LSM8: variants seen among roughly 807,000 people sequenced by gnomAD.
The protein encoded by LSM8 is LSM8 U6 small nuclear RNA associated.
LSM8 carries 14 observed loss-of-function variants against 15.0 expected under a neutral mutation model. That is an observed-to-expected ratio of 0.93 (90% CI 0.62 to 1.46). The LOEUF (loss-of-function observed/expected upper bound fraction) is 1.46. Ranked by LOEUF, LSM8 falls within the 40% of genes most tolerant of loss-of-function variation. The pLI, the probability that LSM8 is intolerant of heterozygous loss-of-function variation, is 0.00. For synonymous variants in LSM8, 50 were observed against 42.1 expected (o/e 1.19, Z -0.73); for missense variants, 90 against 115.4 (o/e 0.78, Z 1.01).
In LSM8 at chr7:118,192,594, A is replaced by G. The variant is rs1336557695; in HGVS notation, c.*592A>G. On this transcript the variant is annotated 3_prime_UTR_variant, in exon 4 of 4. Transcript: ENST00000249299. Reference sequence around the variant, plus strand: ...GGCCCAAAATTCTAACTTGAATATTAAGAATGACTAGGAATGGTAGAATTG... The same window carrying G: ...GGCCCAAAATTCTAACTTGAATATTGAGAATGACTAGGAATGGTAGAATTG... 6.6e-6 allele frequency: 1 copy of G among 152,196 alleles called. No homozygotes were observed. Among genetic ancestry groups the G allele is most frequent in the African/African-American group, 2.4e-5 (1 of 41,470 alleles). The allele number at this position is 152,196 out of a possible 1,614,324, so 9.4% of individuals were successfully genotyped here.
rs1809080353 is a variant in LSM8 at position 118,196,599 on chromosome 7, G to T, written c.*4597G>T. On this transcript the variant is annotated 3_prime_UTR_variant, in exon 4 of 4. Transcript: ENST00000249299. ...ACCTTTCCGACCTCTTCTTGGTTTT[G>T]GCATTAAGTTTTTTTTTAACTCAAT... Among the ~76,000 whole-genome samples the T allele has an allele frequency of 6.7e-6, 1 of 148,874 alleles. No homozygotes were observed. Among genetic ancestry groups the T allele is most frequent in the African/African-American group, 2.5e-5 (1 of 40,434 alleles).
rs1049882486 is a variant in LSM8, at chr7:118,203,287, G to T, written c.*11285G>T. ...GCACTCTGAATACTAATTTAAGAAA[G>T]AAATATAAACCCCTTTTAAAACTCA... is the stretch of plus-strand genomic sequence containing the variant. On this transcript the variant is annotated 3_prime_UTR_variant, in exon 4 of 4. Transcript: ENST00000249299. 2.0e-5 allele frequency among the ~76,000 whole-genome samples: 3 copies of T among 151,794 alleles called. No individual in the cohort carries two copies. Among genetic ancestry groups the T allele is most frequent in the Non-Finnish European group, 4.4e-5 (3 of 67,830 alleles).
At chr7:118,189,780 G>C (rs892228802) in intron 3 of LSM8, 2 of 151,710 alleles carry the variant, frequency 1.3e-5, no homozygotes, top group African/African-American at 4.8e-5. Context: ...AGAATTTCTT[G>C]AACCTGGTAG....
intron 2 of LSM8, 23 bp downstream of exon 2, chr7:118,185,717 C>A (rs1261969278): frequency 1.7e-5 from 27 of 1,597,332 alleles, no homozygotes; most frequent in East Asian, 2.2e-5. Context: ...AATTTTCATT[C>A]TCTGCTTTCC....
intron 2 of LSM8, among the ~76,000 whole-genome samples, chr7:118,187,198 CTTT>C (rs75239866): frequency 1.6e-4 from 25 of 152,042 alleles, no homozygotes; most frequent in Non-Finnish European, 2.8e-4. Context: ...ATTTCATTCT[CTTT>C]TTTATTTCAT....
intron 2 of LSM8, 68 bp from the exon 3 acceptor site, chr7:118,188,210 G>T: frequency 1.3e-6 from 2 of 1,547,504 alleles, no homozygotes; most frequent in South Asian, 2.2e-5. Context: ...AAATGACTGT[G>T]AGGTTAAATT....
chr7:118,193,794 G>C lies in LSM8; in HGVS notation c.*1792G>C, dbSNP rs938370091. On this transcript the variant is annotated 3_prime_UTR_variant, in exon 4 of 4. Transcript: ENST00000249299. ...ATTCTAACAGTACAAATGAAGTCCA[G>C]AGTCAGATCTTTTCTCAAAATACTT... Among the ~76,000 whole-genome samples the C allele has an allele frequency of 2.0e-5, 3 of 152,196 alleles. No homozygotes were observed. The highest frequency in any genetic ancestry group is 3.4e-3 in the Middle Eastern group (1 of 292).
chr7:118,185,009 T>C (rs1447428846), intron 1 of LSM8: 1 of 152,158 alleles, frequency 6.6e-6, no homozygotes, highest in African/African-American at 2.4e-5. Flanking sequence ...TGCTGGAAAA[T>C]CGTCCAACAT....
At position 118,193,087 on chromosome 7, in the gene LSM8, A is replaced by T. The variant is rs1450193708; in HGVS notation, c.*1085A>T. On this transcript the variant is annotated 3_prime_UTR_variant, in exon 4 of 4. Coordinates refer to ENST00000249299, the MANE Select transcript of LSM8 (RefSeq NM_016200.5). The stretch of plus-strand genomic sequence containing the variant: ...ATAGTTTATTTGTTTTGTTTTTATG[A>T]AAGTGCTTAAAAATAGTAGTTGGCA... 6.6e-6 allele frequency among the ~76,000 whole-genome samples: 1 copy of T among 152,160 alleles called. No individual in the cohort carries two copies. The highest frequency in any genetic ancestry group is 2.4e-5 in the African/African-American group (1 of 41,456).
At chr7:118,188,653 C>T in intron 3 of LSM8, 2 of 288,136 alleles carry the variant, frequency 6.9e-6, no homozygotes, top group Non-Finnish European at 1.3e-5. Context: ...CTGAGATTTG[C>T]CCATTTTTCT....
intron 3 of LSM8, 70 bp downstream of exon 3, chr7:118,188,475 A>G: frequency 1.4e-6 from 2 of 1,389,822 alleles, no homozygotes; most frequent in African/African-American, 2.9e-5. Context: ...GCTTTCCCCA[A>G]AATACCCTAC....
chr7:118,192,638 G>A lies in LSM8; in HGVS notation c.*636G>A, dbSNP rs552369008. ...AGAATTGACAGAGATGATTAGTAAA[G>A]TCTCTTGATGCCCAATTGGTTAGGT... On this transcript the variant is annotated 3_prime_UTR_variant, in exon 4 of 4. Coordinates refer to ENST00000249299, the MANE Select transcript of LSM8 (RefSeq NM_016200.5). 6.6e-6 allele frequency: 1 copy of A among 152,224 alleles called. No homozygotes were observed. The highest frequency in any genetic ancestry group is 2.4e-5 in the African/African-American group (1 of 41,548). The allele number at this position is 152,224 out of a possible 1,614,324, so 9.4% of individuals were successfully genotyped here. A position where few individuals can be genotyped will look rare whatever the true frequency, so the allele number is the denominator to read the frequency against.
chr7:118,185,372 G>A lies in LSM8; in HGVS notation c.32-282G>A, dbSNP rs531145431. 352 of 299,062 alleles carry A rather than the reference G, an allele frequency of 1.2e-3. 2 individuals carry two copies. The highest frequency in any genetic ancestry group is 9.2e-3 in the Middle Eastern group (10 of 1,088). The allele number at this position is 299,062 out of a possible 1,614,324, so 18.5% of individuals were successfully genotyped here. The stretch of plus-strand genomic sequence containing the variant: ...ACTCCTGAGCCCAAGCAATCCTCCT[G>A]CCTCTGCCTCTGCCTCCTGAGTAGC... On this transcript the variant is annotated intron_variant, in intron 1 of 3. Transcript: ENST00000249299.
chr7:118,185,688 G>T lies in LSM8; in HGVS notation c.66G>T (p.Met22Ile). 1 of 1,610,572 alleles carries T rather than the reference G, an allele frequency of 6.2e-7. No individual in the cohort carries two copies. Among genetic ancestry groups the T allele is most frequent in the Non-Finnish European group, 8.5e-7 (1 of 1,177,316 alleles). ...TVAVITSDGR[M>I]IVGTLKGFDQ... ...CCGTTATTACATCAGATGGGAGAATGATTGTGGTAAGTCTTTGGAATTTTC... is the reference window on the plus strand; with the variant it reads ...CCGTTATTACATCAGATGGGAGAATTATTGTGGTAAGTCTTTGGAATTTTC... Residue 22 changes from methionine to isoleucine, a missense_variant, in exon 2 of 4, where the codon ATG becomes ATT. Met to Ile is a conservative substitution (Grantham distance 10, BLOSUM62 1). Transcript: ENST00000249299.
chr7:118,185,369 C>CCTGCCT lies in LSM8; in HGVS notation c.32-271_32-266dup, dbSNP rs995488845. The CCTGCCT allele has an allele frequency of 5.5e-5, 16 of 292,228 alleles. No homozygotes were observed. The East Asian group carries it at 1.0e-3, about 19-fold the overall frequency. 18.1% of individuals were successfully genotyped at this position (292,228 alleles called of 1,614,324 possible). ...TGAACTCCTGAGCCCAAGCAATCCT[C>CCTGCCT]CTGCCTCTGCCTCTGCCTCCTGAGT... On this transcript the variant is annotated intron_variant, in intron 1 of 3. Coordinates refer to ENST00000249299, the MANE Select transcript of LSM8 (RefSeq NM_016200.5).
intron 3 of LSM8, 68 bp downstream of exon 3, chr7:118,188,473 C>G: frequency 7.2e-7 from 1 of 1,395,294 alleles, no homozygotes; most frequent in Non-Finnish European, 9.9e-7. Flanking sequence ...AGGCTTTCCC[C>G]AAAATACCCT....
intron 3 of LSM8, chr7:118,190,779 A>G (rs1038894294): frequency 6.6e-6 from 1 of 152,124 alleles, no homozygotes; most frequent in Non-Finnish European, 1.5e-5. Context: ...CTTTAAAGCA[A>G]AATTTGGCAA....
intron 2 of LSM8, 74 bp from the exon 3 acceptor site, chr7:118,188,204 G>T (rs781473199): frequency 6.5e-7 from 1 of 1,530,136 alleles, no homozygotes; most frequent in South Asian, 1.1e-5. Context: ...CAACTAAAAT[G>T]ACTGTGAGGT....
chr7:118,192,821 A>G lies in LSM8; in HGVS notation c.*819A>G, dbSNP rs1039375958. The G allele has an allele frequency of 1.3e-5, 2 of 152,176 alleles. No individual in the cohort carries two copies. The highest frequency in any genetic ancestry group is 2.9e-5 in the Non-Finnish European group (2 of 67,988). 9.4% of individuals were successfully genotyped at this position (152,176 alleles called of 1,614,324 possible). A position where few individuals can be genotyped will look rare whatever the true frequency, so the allele number is the denominator to read the frequency against. On this transcript the variant is annotated 3_prime_UTR_variant, in exon 4 of 4. Coordinates refer to ENST00000249299, the MANE Select transcript of LSM8 (RefSeq NM_016200.5). ...GTGAGTAAATAAACTCTAAGTTTGT[A>G]TTGAAGTAGTGCTAGCTATTATTGT...
Sources: gnomAD v4.1 joint callset for allele counts (sites outside exome capture counted in the v4.1 genomes callset) on GRCh38, gnomAD v4.1.1 for gene constraint, MANE v1.5 for transcripts, NCBI Gene and HGNC (gene_info 2026-07-23, HGNC 2026-07-21) for gene names.